ARSB: variants seen among roughly 807,000 people sequenced by gnomAD.
ARSB encodes the protein arylsulfatase B.
A neutral mutation model predicts 50.9 loss-of-function variants in ARSB; 41 were observed. That is an observed-to-expected ratio of 0.81 (90% CI 0.63 to 1.04). ARSB has a LOEUF of 1.04. ARSB is among the 50% of genes least tolerant of loss of function. ARSB has a pLI of 0.00. For missense variants in ARSB, 672 were observed against 693.3 expected, an observed-to-expected ratio of 0.97 and a Z score of 0.35; for synonymous variants, 269 against 284.8, an observed-to-expected ratio of 0.94 and a Z score of 0.56.
chr5:78,866,344 T>C (rs1453111101), intron 5 of ARSB, among the ~76,000 whole-genome samples: 1 of 152,138 alleles, frequency 6.6e-6, no homozygotes, highest in Non-Finnish European at 1.5e-5. Context: ...GTGAGCCCTA[T>C]TCACTATCAT....
chr5:78,929,645 T>C (rs7736871), intron 4 of ARSB, among the ~76,000 whole-genome samples: 4,245 of 151,640 alleles, frequency 0.028, 136 homozygotes, highest in East Asian at 0.073. Flanking sequence ...ACAAAAAAAT[T>C]TGCCCAGTGT....
rs1744865473 is a variant in ARSB at position 78,834,643 on chromosome 5, A to ATATC, written c.1213+4712_1213+4713insGATA. On this transcript the variant is annotated intron_variant, in intron 6 of 7. Coordinates refer to ENST00000264914, the MANE Select transcript of ARSB (RefSeq NM_000046.5). ...TATATATATATATATATATATATAT[A>ATATC]TATGCCACATTTTGTTTATTCATCC... is the stretch of plus-strand genomic sequence containing the variant. Among the ~76,000 whole-genome samples, 3 of 136,298 alleles carry ATATC rather than the reference A, an allele frequency of 2.2e-5. No homozygotes were observed. The Admixed American group carries it at 2.3e-4, about 10-fold the overall frequency. The allele number at this position is 136,298 out of a possible 152,430, so 89.4% of individuals were successfully genotyped here.
Position 78,821,196 on chromosome 5 carries a change from C to T in ARSB, c.1213+18160G>A, listed in dbSNP as rs1475893467. 3.9e-5 allele frequency among the ~76,000 whole-genome samples: 6 copies of T among 152,280 alleles called. No individual in the cohort carries two copies. In the East Asian group the frequency reaches 9.7e-4, roughly 24 times the overall value. ...TGTCACCCAGGCTAGAGTGCAATAG[C>T]GTGATCTCAGCTCACTGCAACCTCT... On this transcript the variant is annotated intron_variant, in intron 6 of 7. Transcript: ENST00000264914.
At chr5:78,976,442 T>A (rs1040920847) in intron 1 of ARSB, among the ~76,000 whole-genome samples, 1 of 151,956 alleles carries the variant, frequency 6.6e-6, no homozygotes, top group Non-Finnish European at 1.5e-5. Flanking sequence ...CAGTCTCCTG[T>A]GTAGCTGGGA....
rs542212729 is a variant in ARSB, at chr5:78,936,129, C to T, written c.898+19166G>A. ...CCTCCATCCCTTCCTCTCTCTCTCT[C>T]TTTTTTTTTTTTTTTGGTGGATTCT... On this transcript the variant is annotated intron_variant, in intron 4 of 7. Coordinates refer to ENST00000264914, the MANE Select transcript of ARSB (RefSeq NM_000046.5). 4.6e-3 allele frequency among the ~76,000 whole-genome samples: 405 copies of T among 88,938 alleles called. 4 individuals are homozygous for T. Among genetic ancestry groups the T allele is most frequent in the African/African-American group, 0.018 (365 of 20,658 alleles). 58.3% of individuals were successfully genotyped at this position (88,938 alleles called of 152,430 possible).
chr5:78,859,846 G>C (rs1746342980), intron 5 of ARSB, among the ~76,000 whole-genome samples: 1 of 152,024 alleles, frequency 6.6e-6, no homozygotes, highest in Non-Finnish European at 1.5e-5. Context: ...GACTAACATG[G>C]AAGAGATCAG....
chr5:78,964,908 C>A (rs893171026), intron 2 of ARSB, among the ~76,000 whole-genome samples: 26 of 151,648 alleles, frequency 1.7e-4, no homozygotes, highest in African/African-American at 6.3e-4. Flanking sequence ...AATCTCAATC[C>A]TTCAAAGCTA....
chr5:78,844,319 A>AGG (rs1231977103), intron 5 of ARSB, among the ~76,000 whole-genome samples: 1 of 152,056 alleles, frequency 6.6e-6, no homozygotes, highest in Non-Finnish European at 1.5e-5. Flanking sequence ...TCATGTATGT[A>AGG]TTGGCCATTT....
At chr5:78,961,682 A>T (rs1751992284) in intron 3 of ARSB, among the ~76,000 whole-genome samples, 1 of 152,114 alleles carries the variant, frequency 6.6e-6, no homozygotes, top group Non-Finnish European at 1.5e-5. Context: ...TTCAGTAGGA[A>T]TGAATTTGTA....
intron 1 of ARSB, among the ~76,000 whole-genome samples, chr5:78,975,754 G>A (rs571879188): frequency 5.3e-5 from 8 of 152,194 alleles, no homozygotes; most frequent in Non-Finnish European, 1.2e-4. Context: ...AAGATGGTGA[G>A]CTCTTTCACG....
intron 6 of ARSB, among the ~76,000 whole-genome samples, chr5:78,814,212 G>A (rs1743912270): frequency 6.6e-6 from 1 of 151,086 alleles, no homozygotes; most frequent in South Asian, 2.1e-4. Context: ...GTTAATCAAA[G>A]ACTCTGGCAT....
At chr5:78,948,258 T>C (rs1462573949) in intron 4 of ARSB, among the ~76,000 whole-genome samples, 1 of 152,150 alleles carries the variant, frequency 6.6e-6, no homozygotes, top group Non-Finnish European at 1.5e-5. Context: ...TTAATAATAA[T>C]TTATTGTACA....
At chr5:78,833,678 A>G (rs754185580) in intron 6 of ARSB, among the ~76,000 whole-genome samples, 1 of 152,242 alleles carries the variant, frequency 6.6e-6, no homozygotes, top group Non-Finnish European at 1.5e-5. Context: ...CAGAACAGCA[A>G]GAAGAGGCAG....
intron 6 of ARSB, among the ~76,000 whole-genome samples, chr5:78,835,981 A>G (rs1744938191): frequency 6.6e-6 from 1 of 152,184 alleles, no homozygotes; most frequent in South Asian, 2.1e-4. Context: ...TACACCCGAG[A>G]TTGGCTACTT....
At chr5:78,830,855 A>C (rs1463258999) in intron 6 of ARSB, among the ~76,000 whole-genome samples, 1 of 152,214 alleles carries the variant, frequency 6.6e-6, no homozygotes, top group Admixed American at 6.5e-5. Context: ...TGGCAACTAG[A>C]GACGACACAA....
At chr5:78,851,074 A>C (rs1013952651) in intron 5 of ARSB, among the ~76,000 whole-genome samples, 31 of 151,912 alleles carry the variant, frequency 2.0e-4, no homozygotes, top group Non-Finnish European at 4.0e-4. Context: ...TTCTGCTCTG[A>C]TCTTAGTTAT....
At position 78,877,792 on chromosome 5, in the gene ARSB, C is replaced by T. The variant is rs1025637965; in HGVS notation, c.1142+7792G>A. On this transcript the variant is annotated intron_variant, in intron 5 of 7. Transcript: ENST00000264914. Reference sequence around the variant, plus strand: ...AGACCAAAAGGGATAGAAATATGACCGGTATAATGAGGAGAATAATCAATC... The same window carrying T: ...AGACCAAAAGGGATAGAAATATGACTGGTATAATGAGGAGAATAATCAATC... Among the ~76,000 whole-genome samples the T allele has an allele frequency of 2.2e-4, 33 of 152,156 alleles. No homozygotes were observed. In the Middle Eastern group the frequency reaches 0.01, roughly 47 times the overall value.
chr5:78,792,334 G>C (rs547353131), intron 6 of ARSB, among the ~76,000 whole-genome samples: 3 of 150,580 alleles, frequency 2.0e-5, no homozygotes, highest in African/African-American at 7.3e-5. Context: ...AGCCGAGATC[G>C]CATCACTGTA....
In ARSB at chr5:78,839,207, G is replaced by C. The variant is rs73124605; in HGVS notation, c.1213+149C>G. ...TTGCTTTCACAGCACACTGCCCTCT[G>C]AGATGAGCGGGAGATATGTCCCGAA... On this transcript the variant is annotated intron_variant, in intron 6 of 7. Transcript: ENST00000264914. The C allele has an allele frequency of 0.029, 21,635 of 734,416 alleles. 885 individuals are homozygous for C. The highest frequency in any genetic ancestry group is 0.12 in the East Asian group (4,181 of 36,172). The allele number at this position is 734,416 out of a possible 1,614,324, so 45.5% of individuals were successfully genotyped here.
Sources: allele counts gnomAD v4.1 joint callset (sites outside exome capture counted in the v4.1 genomes callset), GRCh38; gene constraint gnomAD v4.1.1; transcripts MANE v1.5; gene names NCBI Gene and HGNC (gene_info 2026-07-23, HGNC 2026-07-21).